OVCH1: variants seen among roughly 807,000 people sequenced by gnomAD.
OVCH1 encodes ovochymase 1, also known as ovochymase-1.
A neutral mutation model predicts 138.4 loss-of-function variants in OVCH1; 139 were observed. That is an observed-to-expected ratio of 1.00 (90% CI 0.87 to 1.16). OVCH1 has a LOEUF of 1.16. Among genes scored for constraint, OVCH1 ranks in the 50% most tolerant of loss-of-function variants. The pLI is 0.00. For missense variants in OVCH1, 1,367 were observed against 1,357.9 expected (o/e 1.01, Z -0.11); for synonymous variants, 453 against 467.8 (o/e 0.97, Z 0.41).
Position 29,445,275 on chromosome 12 carries a change from T to C in OVCH1, c.2881+3A>G. The C allele has an allele frequency of 6.2e-7, 1 of 1,606,022 alleles. No individual in the cohort carries two copies. Among genetic ancestry groups the C allele is most frequent in the Non-Finnish European group, 8.5e-7 (1 of 1,175,678 alleles). ...TACAAGTTTATAAAATAACCAAACA[T>C]ACCTAGGACTTTCAAGACAATATAG... On this transcript the variant is annotated splice_donor_region_variant and intron_variant, in intron 23 of 27. Transcript: ENST00000318184.
chr12:29,496,666 A>G (rs770044924), exon 2 of OVCH1: 12 of 1,608,866 alleles, frequency 7.5e-6, no homozygotes, highest in Non-Finnish European at 5.1e-6. Flanking sequence ...CGAATTCCAC[A>G]CTTCAGTCCT....
At chr12:29,495,964 G>C (rs1465777930) in intron 3 of OVCH1, among the ~76,000 whole-genome samples, 1 of 152,180 alleles carries the variant, frequency 6.6e-6, no homozygotes, top group Non-Finnish European at 1.5e-5. Context: ...ATAAATTATA[G>C]ATGATGTCTG....
At chr12:29,455,502 T>C in intron 19 of OVCH1, 97 bp from the exon 20 acceptor site, 1 of 1,309,668 alleles carries the variant, frequency 7.6e-7, no homozygotes, top group Non-Finnish European at 1.0e-6. Context: ...GTATTTGTAA[T>C]GTGTTTAATT....
chr12:29,445,924 C>T (rs188608164), intron 22 of OVCH1, among the ~76,000 whole-genome samples: 1 of 152,166 alleles, frequency 6.6e-6, no homozygotes, highest in East Asian at 1.9e-4. Context: ...CTGTGAGTTT[C>T]TTAGGATCAA....
At chr12:29,404,760 C>T in the OVCH1 span, among the ~76,000 whole-genome samples, 5 of 152,070 alleles carry the variant, frequency 3.3e-5, no homozygotes, top group Admixed American at 6.5e-5. Flanking sequence ...CGGTGGGTCA[C>T]GCCTGTAATT....
At chr12:29,449,323 AAC>A (rs1941712414) in intron 22 of OVCH1, among the ~76,000 whole-genome samples, 1 of 147,818 alleles carries the variant, frequency 6.8e-6, no homozygotes, top group African/African-American at 2.5e-5. Flanking sequence ...ACACACACTC[AAC>A]CTTAAGTATA....
chr12:29,453,912 A>G (rs183376635), intron 21 of OVCH1, among the ~76,000 whole-genome samples: 69 of 152,172 alleles, frequency 4.5e-4, no homozygotes, highest in African/African-American at 1.5e-3. Flanking sequence ...CAATCCTACT[A>G]TATCTTTCTA....
rs924064805 is a variant in OVCH1, at chr12:29,495,636, C to T, written c.282-179G>A. 3.3e-5 allele frequency among the ~76,000 whole-genome samples: 5 copies of T among 152,082 alleles called. No homozygotes were observed. In the East Asian group the frequency reaches 7.7e-4, roughly 23 times the overall value. On this transcript the variant is annotated intron_variant, in intron 3 of 27. Coordinates refer to ENST00000318184, the Ensembl canonical transcript of OVCH1. ...ATATTTTTTTTAATCTAGAAAAAAT[C>T]GTAGTTTTCAGTCATGTTTCCATTT... is the stretch of plus-strand genomic sequence containing the variant.
intron 3 of OVCH1, 106 bp from the exon 4 acceptor site, chr12:29,495,563 T>C (rs1381870992): frequency 1.0e-6 from 1 of 994,352 alleles, no homozygotes; most frequent in Non-Finnish European, 1.5e-6. Flanking sequence ...TAAGCATCCC[T>C]GAGTCTTTGA....
chr12:29,437,946 T>C (rs1941394936), intron 26 of OVCH1, among the ~76,000 whole-genome samples: 1 of 152,220 alleles, frequency 6.6e-6, no homozygotes, highest in Non-Finnish European at 1.5e-5. Context: ...TTAGCTTTTC[T>C]ATTATTGATC....
downstream of OVCH1, among the ~76,000 whole-genome samples, chr12:29,412,278 C>T (rs938756219): frequency 6.6e-6 from 1 of 152,158 alleles, no homozygotes; most frequent in African/African-American, 2.4e-5. Flanking sequence ...CAATGCCTCA[C>T]TCTGCTTCGG....
intron 14 of OVCH1, among the ~76,000 whole-genome samples, chr12:29,474,697 G>T (rs1942643013): frequency 6.6e-6 from 1 of 152,268 alleles, no homozygotes; most frequent in South Asian, 2.1e-4. Context: ...CTTCCAGAGT[G>T]CCAGGATACC....
At chr12:29,479,699 T>A (rs1942861161) in intron 8 of OVCH1, among the ~76,000 whole-genome samples, 1 of 152,148 alleles carries the variant, frequency 6.6e-6, no homozygotes, top group Non-Finnish European at 1.5e-5. Flanking sequence ...ATTAACAGCC[T>A]CACTACCCTT....
At chr12:29,450,844 G>C (rs960642125) in intron 22 of OVCH1, among the ~76,000 whole-genome samples, 11 of 151,920 alleles carry the variant, frequency 7.2e-5, no homozygotes, top group African/African-American at 2.7e-4. Context: ...CCATAAAAAA[G>C]GATAAGTTTA....
chr12:29,492,868 G>T (rs576942030), intron 4 of OVCH1, among the ~76,000 whole-genome samples: 1 of 152,112 alleles, frequency 6.6e-6, no homozygotes, highest in South Asian at 2.1e-4. Flanking sequence ...GGTACAATAG[G>T]GTAGGAGAAT....
At chr12:29,410,805 T>C (rs1418996223), downstream of OVCH1, among the ~76,000 whole-genome samples, 88 of 151,400 alleles carry the variant, frequency 5.8e-4, no homozygotes, top group Non-Finnish European at 8.9e-4. Flanking sequence ...TTGCTCTTCT[T>C]GAGGAGTATC....
chr12:29,455,364 A>G (rs771585091), exon 20 of OVCH1: 2 of 1,613,680 alleles, frequency 1.2e-6, no homozygotes, highest in Non-Finnish European at 8.5e-7. Context: ...GGACAAAGGG[A>G]CCATTTTCAT....
At chr12:29,424,046 T>G (rs913945942), downstream of OVCH1, among the ~76,000 whole-genome samples, 112 of 151,752 alleles carry the variant, frequency 7.4e-4, no homozygotes, top group African/African-American at 2.6e-3. Flanking sequence ...AATATAGAGG[T>G]GTGGCGTGGG....
the OVCH1 span, among the ~76,000 whole-genome samples, chr12:29,404,031 A>G: frequency 6.6e-6 from 1 of 152,238 alleles, no homozygotes; most frequent in South Asian, 2.1e-4. Flanking sequence ...AAACACACCA[A>G]CACCAACCTC....
Sources: gnomAD v4.1 joint callset for allele counts (sites outside exome capture counted in the v4.1 genomes callset) on GRCh38, gnomAD v4.1.1 for gene constraint, MANE v1.5 for transcripts, NCBI Gene and HGNC (gene_info 2026-07-23, HGNC 2026-07-21) for gene names.